Variants in DIP2B observed in about 807,000 individuals in gnomAD.
DIP2B encodes the protein DIP2 acetate--CoA ligase B (putative).
A neutral mutation model predicts 198.0 loss-of-function variants in DIP2B; 76 were observed. The ratio of observed to expected loss-of-function variants is 0.38; its 90% CI spans 0.32 to 0.46. DIP2B has a LOEUF of 0.46. Among genes scored for constraint, DIP2B ranks in the 20% least tolerant of loss-of-function variants. The probability of loss-of-function intolerance (pLI) is 0.99; values close to 1 mark genes in which losing one functional copy is unlikely to be tolerated. For synonymous variants in DIP2B, 701 were observed against 739.1 expected (o/e 0.95, Z 0.84); for missense variants, 1,559 against 1,978.4 (o/e 0.79, Z 4.02).
chr12:50,607,954 C>A (rs144462498), intron 1 of DIP2B, among the ~76,000 whole-genome samples: 1 of 152,036 alleles, frequency 6.6e-6, no homozygotes, highest in Non-Finnish European at 1.5e-5. Context: ...CCACTACGCC[C>A]GGCTAATTTT....
At position 50,746,493 on chromosome 12, in the gene DIP2B, C is replaced by T. The variant is rs1185169015; in HGVS notation, c.*1654C>T. On this transcript the variant is annotated 3_prime_UTR_variant, in exon 38 of 38. Coordinates refer to ENST00000301180, the MANE Select transcript of DIP2B (RefSeq NM_173602.3). ...TGCGGTGGCAGTGCTCTAGGGCTGCCATTACACGGTCTTGTGATGTGACTA... is the reference window on the plus strand; with the variant it reads ...TGCGGTGGCAGTGCTCTAGGGCTGCTATTACACGGTCTTGTGATGTGACTA... The T allele has an allele frequency of 6.6e-6, 1 of 152,142 alleles. No individual in the cohort carries two copies. Among genetic ancestry groups the T allele is most frequent in the Non-Finnish European group, 1.5e-5 (1 of 68,028 alleles). 9.4% of individuals were successfully genotyped at this position (152,142 alleles called of 1,614,324 possible).
At chr12:50,594,812 G>T (rs757896702) in intron 1 of DIP2B, among the ~76,000 whole-genome samples, 25 of 152,156 alleles carry the variant, frequency 1.6e-4, no homozygotes, top group Admixed American at 3.9e-4. Flanking sequence ...TTGCTAGTCT[G>T]TCTTGGTATT....
chr12:50,520,237 C>T (rs745578717), intron 1 of DIP2B, among the ~76,000 whole-genome samples: 4 of 151,996 alleles, frequency 2.6e-5, no homozygotes, highest in South Asian at 2.1e-4. Context: ...AGGGTTTCAC[C>T]GTGTTGGCCA....
At chr12:50,737,650 G>A (rs1417426145) in intron 35 of DIP2B, among the ~76,000 whole-genome samples, 1 of 152,020 alleles carries the variant, frequency 6.6e-6, no homozygotes, top group Non-Finnish European at 1.5e-5. Flanking sequence ...CTGTTGCCCA[G>A]GCTGGGCTTA....
At position 50,505,093 on chromosome 12, in the gene DIP2B, C is replaced by T. The variant is rs891574916; in HGVS notation, c.-48C>T. The T allele has an allele frequency of 1.1e-5, 17 of 1,505,182 alleles. No homozygotes were observed. Among genetic ancestry groups the T allele is most frequent in the Middle Eastern group, 2.1e-4 (1 of 4,712 alleles). The allele number at this position is 1,505,182 out of a possible 1,614,324, so 93.2% of individuals were successfully genotyped here. On this transcript the variant is annotated 5_prime_UTR_variant, in exon 1 of 38. Coordinates refer to ENST00000301180, the MANE Select transcript of DIP2B (RefSeq NM_173602.3). Reference sequence around the variant, plus strand: ...TGTGGGCCCGTGTCTGTCCGTCCCTCCTTCGGCCCCCTCTCTTGTCTTCCG... The same window carrying T: ...TGTGGGCCCGTGTCTGTCCGTCCCTTCTTCGGCCCCCTCTCTTGTCTTCCG...
intron 3 of DIP2B, chr12:50,655,028 A>T (rs1324947202): frequency 2.2e-6 from 1 of 453,390 alleles, no homozygotes; most frequent in Non-Finnish European, 4.4e-6. Context: ...TCTTGTCAGA[A>T]TTTACTCTGA....
At chr12:50,529,145 G>A (rs1050307674) in intron 1 of DIP2B, among the ~76,000 whole-genome samples, 1 of 152,144 alleles carries the variant, frequency 6.6e-6, no homozygotes, top group Non-Finnish European at 1.5e-5. Flanking sequence ...GTCAGGTGTG[G>A]TGGCATGCGC....
chr12:50,711,883 C>G (rs1939622721), intron 22 of DIP2B, among the ~76,000 whole-genome samples: 1 of 152,140 alleles, frequency 6.6e-6, no homozygotes, highest in African/African-American at 2.4e-5. Context: ...TAATAAAAGG[C>G]CTTGGCCACG....
At chr12:50,563,364 T>C (rs1958536211) in intron 1 of DIP2B, among the ~76,000 whole-genome samples, 1 of 152,136 alleles carries the variant, frequency 6.6e-6, no homozygotes, top group Non-Finnish European at 1.5e-5. Flanking sequence ...TTTTTGTATT[T>C]TTTGTAGAGG....
intron 10 of DIP2B, among the ~76,000 whole-genome samples, chr12:50,683,827 G>C (rs1285351230): frequency 6.6e-6 from 1 of 151,534 alleles, no homozygotes; most frequent in Non-Finnish European, 1.5e-5. Flanking sequence ...ATATCACTGG[G>C]GCAACTGGAC....
intron 1 of DIP2B, among the ~76,000 whole-genome samples, chr12:50,516,239 C>CTCTCTCTA (rs1397096211): frequency 1.3e-5 from 2 of 149,150 alleles, no homozygotes; most frequent in African/African-American, 2.5e-5. Context: ...CTCTCTCTCT[C>CTCTCTCTA]TCTCTCTATC....
At chr12:50,577,749 A>T (rs1396577670) in intron 1 of DIP2B, among the ~76,000 whole-genome samples, 2 of 151,904 alleles carry the variant, frequency 1.3e-5, no homozygotes, top group African/African-American at 4.8e-5. Flanking sequence ...TTAATCTGTT[A>T]TGATAAAGAA....
chr12:50,545,791 G>A (rs1958372284), intron 1 of DIP2B, among the ~76,000 whole-genome samples: 1 of 150,730 alleles, frequency 6.6e-6, no homozygotes, highest in Non-Finnish European at 1.5e-5. Context: ...GTGTGCCACC[G>A]TGCCCAGCTA....
chr12:50,592,091 C>T (rs913490512), intron 1 of DIP2B, among the ~76,000 whole-genome samples: 6 of 152,006 alleles, frequency 3.9e-5, no homozygotes, highest in African/African-American at 1.2e-4. Context: ...GTTGACCAGG[C>T]TGGTCTCGAA....
At chr12:50,603,120 G>A (rs951931858) in intron 1 of DIP2B, among the ~76,000 whole-genome samples, 2 of 148,974 alleles carry the variant, frequency 1.3e-5, no homozygotes, top group Non-Finnish European at 3.0e-5. Context: ...GCCGAGGTTC[G>A]GCCACTGCAC....
chr12:50,606,027 T>C (rs1239321085), intron 1 of DIP2B, among the ~76,000 whole-genome samples: 1 of 152,006 alleles, frequency 6.6e-6, no homozygotes, highest in African/African-American at 2.4e-5. Flanking sequence ...TTCGCCATTT[T>C]GGCCAGGCTG....
intron 1 of DIP2B, among the ~76,000 whole-genome samples, chr12:50,527,605 T>C (rs1958178320): frequency 6.6e-6 from 1 of 152,168 alleles, no homozygotes; most frequent in African/African-American, 2.4e-5. Flanking sequence ...TAGGTGGTTA[T>C]GGTGATGTGC....
At chr12:50,652,629 A>G (rs1041169242) in intron 3 of DIP2B, among the ~76,000 whole-genome samples, 5 of 152,146 alleles carry the variant, frequency 3.3e-5, no homozygotes, top group Admixed American at 1.3e-4. Flanking sequence ...TAAAAAGTTT[A>G]GAATTGTTTT....
At chr12:50,733,812 G>T (rs1423754741) in intron 32 of DIP2B, among the ~76,000 whole-genome samples, 2 of 152,236 alleles carry the variant, frequency 1.3e-5, no homozygotes, top group Non-Finnish European at 1.5e-5. Flanking sequence ...TCTTTCAGAA[G>T]GGTCTTGATG....
Sources: gnomAD v4.1 joint callset for allele counts (sites outside exome capture counted in the v4.1 genomes callset) on GRCh38, gnomAD v4.1.1 for gene constraint, MANE v1.5 for transcripts, NCBI Gene and HGNC (gene_info 2026-07-23, HGNC 2026-07-21) for gene names.